Variants in GC observed in about 807,000 individuals in gnomAD.
GC encodes GC vitamin D binding protein.
GC carries 43 observed loss-of-function variants against 56.7 expected under a neutral mutation model. The observed-to-expected ratio is 0.76, with a 90% CI of 0.59 to 0.98. The LOEUF is 0.98. GC is among the 50% of genes least tolerant of loss of function. GC has a pLI of 0.00. For missense variants in GC, 529 were observed against 545.9 expected (o/e 0.97, Z 0.31); for synonymous variants, 216 against 202.7 (o/e 1.07, Z -0.56).
At chr4:71,742,965 T>C (rs985229096) in intron 12 of GC, among the ~76,000 whole-genome samples, 3 of 151,986 alleles carry the variant, frequency 2.0e-5, no homozygotes, top group Non-Finnish European at 4.4e-5. Flanking sequence ...CAGAGTGAGA[T>C]TCCGTCTTGG....
intron 8 of GC, among the ~76,000 whole-genome samples, chr4:71,756,331 A>G (rs893137361): frequency 2.6e-5 from 4 of 152,188 alleles, no homozygotes; most frequent in Non-Finnish European, 5.9e-5. Flanking sequence ...TTACATTTCT[A>G]CATGCATTTC....
At chr4:71,759,885 A>G (rs1741905367) in intron 6 of GC, among the ~76,000 whole-genome samples, 2 of 152,210 alleles carry the variant, frequency 1.3e-5, no homozygotes, top group Admixed American at 1.3e-4. Context: ...TAATGATTAT[A>G]TAAGTAATAT....
intron 1 of GC, among the ~76,000 whole-genome samples, chr4:71,769,795 A>T (rs222017): frequency 0.9 from 136,955 of 152,108 alleles, 61,743 homozygotes; most frequent in East Asian, 1. Flanking sequence ...CCTTCTTTTA[A>T]TGTCTCAGTT....
intron 12 of GC, among the ~76,000 whole-genome samples, chr4:71,742,086 C>T (rs1437736196): frequency 6.6e-6 from 1 of 152,034 alleles, no homozygotes; most frequent in Non-Finnish European, 1.5e-5. Flanking sequence ...GTAGTGATGG[C>T]TTTATATGCC....
At chr4:71,749,240 C>A (rs2149293588) in intron 11 of GC, among the ~76,000 whole-genome samples, 1 of 152,286 alleles carries the variant, frequency 6.6e-6, no homozygotes, top group South Asian at 2.1e-4. Flanking sequence ...TACTCAGCTG[C>A]TATAAATTTA....
At chr4:71,770,058 T>C (rs1025659965) in intron 1 of GC, among the ~76,000 whole-genome samples, 2 of 152,134 alleles carry the variant, frequency 1.3e-5, no homozygotes, top group Non-Finnish European at 2.9e-5. Flanking sequence ...TGGGAAGTGT[T>C]TCCTTTCACT....
At chr4:71,785,609 A>G (rs1742813727), upstream of GC, among the ~76,000 whole-genome samples, 1 of 151,804 alleles carries the variant, frequency 6.6e-6, no homozygotes, top group Non-Finnish European at 1.5e-5. Flanking sequence ...CTGTAAGGCC[A>G]GTGGAAATCC....
chr4:71,788,017 C>T (rs1007668828), upstream of GC, among the ~76,000 whole-genome samples: 6 of 151,864 alleles, frequency 4.0e-5, no homozygotes, highest in Non-Finnish European at 4.4e-5. Flanking sequence ...CACAGTGCTC[C>T]TACTATAGCT....
chr4:71,777,771 T>C (rs1155563), intron 1 of GC, among the ~76,000 whole-genome samples: 33,945 of 151,114 alleles, frequency 0.22, 4,385 homozygotes, highest in East Asian at 0.34. Flanking sequence ...TATTTTTTAA[T>C]AGATAAAAAA....
intron 1 of GC, among the ~76,000 whole-genome samples, chr4:71,774,376 C>A (rs1215309043): frequency 2.0e-5 from 3 of 152,002 alleles, no homozygotes; most frequent in Non-Finnish European, 4.4e-5. Flanking sequence ...CGGGTGGTAG[C>A]CTGTCCTTTG....
At chr4:71,752,372 C>G (rs543345550) in intron 11 of GC, 146 bp downstream of exon 11, 1 of 622,138 alleles carries the variant, frequency 1.6e-6, no homozygotes, top group East Asian at 3.0e-5. Flanking sequence ...TTCTTACTTT[C>G]ATTGCAAAGA....
At position 71,763,871 on chromosome 4, in the gene GC, T is replaced by C. The variant is rs575759317; in HGVS notation, c.539A>G (p.Lys180Arg). Residue 180 changes from lysine (K) to arginine (R), a missense_variant, in exon 5 of 13, where the codon AAG becomes AGG. Physicochemically the swap from Lys to Arg is conservative, Grantham distance 26. Transcript: ENST00000273951. ...GGACCCTACCATAGAAAGATAACTC[T>C]TGGTGTAACTGACTAAAAGTGACAG... is the stretch of plus-strand genomic sequence containing the variant. ...APLSLLVSYTKSYLSMVGSCC... is the reference protein window; with the variant it reads ...APLSLLVSYTRSYLSMVGSCC... The C allele has an allele frequency of 1.2e-6, 2 of 1,608,682 alleles. No individual in the cohort carries two copies. Among genetic ancestry groups the C allele is most frequent in the East Asian group, 2.2e-5 (1 of 44,852 alleles).
At chr4:71,775,718 C>T (rs1351249394) in intron 1 of GC, among the ~76,000 whole-genome samples, 6 of 151,922 alleles carry the variant, frequency 3.9e-5, no homozygotes, top group African/African-American at 1.4e-4. Context: ...GAAGAGACAA[C>T]CCACAGACTG....
chr4:71,766,896 G>C lies in GC; in HGVS notation c.262-1253C>G, dbSNP rs534202104. Among the ~76,000 whole-genome samples the C allele has an allele frequency of 1.3e-3, 203 of 152,230 alleles. 1 individual carries two copies. The highest frequency in any genetic ancestry group is 4.8e-3 in the African/African-American group (198 of 41,560). On this transcript the variant is annotated intron_variant, in intron 3 of 12. Transcript: ENST00000273951. ...ATGTTTTGAACAAGCAGGAGAAAGAGAAATATATCATGCAAAAAATATCAA... is the reference window on the plus strand; with the variant it reads ...ATGTTTTGAACAAGCAGGAGAAAGACAAATATATCATGCAAAAAATATCAA...
At chr4:71,760,745 C>G (rs2149298719) in intron 6 of GC, among the ~76,000 whole-genome samples, 1 of 152,228 alleles carries the variant, frequency 6.6e-6, no homozygotes, top group African/African-American at 2.4e-5. Flanking sequence ...GTTCCCGTGA[C>G]AGTGAATGAG....
At chr4:71,756,336 C>T (rs1383764474) in intron 8 of GC, among the ~76,000 whole-genome samples, 1 of 152,166 alleles carries the variant, frequency 6.6e-6, no homozygotes, top group African/African-American at 2.4e-5. Context: ...TTTCTACATG[C>T]ATTTCTCATT....
At chr4:71,762,641 G>A (rs2149299528) in intron 6 of GC, among the ~76,000 whole-genome samples, 1 of 152,298 alleles carries the variant, frequency 6.6e-6, no homozygotes, top group Non-Finnish European at 1.5e-5. Flanking sequence ...GAAGAAACCA[G>A]TGGAAGGTGA....
In GC at chr4:71,754,319, C is replaced by G. The variant is rs1741647594; in HGVS notation, c.1262+92G>C. 5 of 660,642 alleles carry G rather than the reference C, an allele frequency of 7.6e-6. No homozygotes were observed. In the Admixed American group the frequency reaches 8.7e-5, roughly 11 times the overall value. The allele number at this position is 660,642 out of a possible 1,614,324, so 40.9% of individuals were successfully genotyped here. A position where few individuals can be genotyped will look rare whatever the true frequency, so the allele number is the denominator to read the frequency against. On this transcript the variant is annotated intron_variant, in intron 10 of 12. Coordinates refer to ENST00000273951, the MANE Select transcript of GC (RefSeq NM_000583.4). ...TCCTTTTGTTGTTGTTCACTGAAGA[C>G]AAGCTTAAGTGTTCAACTATGCTTT...
At chr4:71,747,129 AATG>A (rs1560688671) in intron 11 of GC, among the ~76,000 whole-genome samples, 2 of 152,192 alleles carry the variant, frequency 1.3e-5, no homozygotes, top group Non-Finnish European at 2.9e-5. Context: ...GCAATGGGTA[AATG>A]ATGATAATAT....
Sources: gnomAD v4.1 joint callset for allele counts (sites outside exome capture counted in the v4.1 genomes callset) on GRCh38, gnomAD v4.1.1 for gene constraint, MANE v1.5 for transcripts, NCBI Gene and HGNC (gene_info 2026-07-23, HGNC 2026-07-21) for gene names.